Variants in PAX5 observed in about 807,000 individuals in gnomAD.
The protein encoded by PAX5 is paired box 5.
Under a neutral mutation model 43.7 loss-of-function variants are expected in PAX5, and 9 were observed. The observed-to-expected ratio is 0.21, with a 90% CI of 0.12 to 0.36. The LOEUF (loss-of-function observed/expected upper bound fraction) is 0.36, where lower values mean the gene tolerates loss of function less well. Ranked by LOEUF, PAX5 falls within the 10% of genes least tolerant of loss-of-function variation. PAX5 has a pLI of 1.00. For synonymous variants in PAX5, 228 were observed against 214.3 expected, an observed-to-expected ratio of 1.06 and a Z score of -0.56; for missense variants, 383 against 532.7, an observed-to-expected ratio of 0.72 and a Z score of 2.77.
intron 6 of PAX5, among the ~76,000 whole-genome samples, chr9:36,946,079 AGTGCTCCGTC>A (rs1832480447): frequency 2.0e-5 from 3 of 150,680 alleles, no homozygotes; most frequent in Admixed American, 6.6e-5. Context: ...CTCCCTGAGG[AGTGCTCCGTC>A]AGGATGCAGT....
intron 7 of PAX5, among the ~76,000 whole-genome samples, chr9:36,897,134 G>A (rs1344750350): frequency 6.6e-6 from 1 of 152,190 alleles, no homozygotes; most frequent in East Asian, 1.9e-4. Context: ...TGTGAGCCTG[G>A]AATGGCAGAT....
In PAX5 at chr9:36,851,641, A is replaced by G. The variant is rs538296789; in HGVS notation, c.1013-4712T>C. Among the ~76,000 whole-genome samples the G allele has an allele frequency of 2.6e-5, 4 of 152,340 alleles. No individual in the cohort carries two copies. The South Asian group carries it at 6.2e-4, about 24-fold the overall frequency. On this transcript the variant is annotated intron_variant, in intron 8 of 9. Transcript: ENST00000358127. ...TTTGAATCAATTTTACCTTGATTTC[A>G]AAGTGCCAGGTGATGCTGGCCAGCT...
At chr9:36,971,485 G>C (rs562640274) in intron 5 of PAX5, among the ~76,000 whole-genome samples, 1 of 152,312 alleles carries the variant, frequency 6.6e-6, no homozygotes, top group South Asian at 2.1e-4. Flanking sequence ...TGTGGTCTTG[G>C]AGGCAGGCTA....
chr9:36,864,614 A>G (rs989646396), intron 8 of PAX5, among the ~76,000 whole-genome samples: 2 of 152,174 alleles, frequency 1.3e-5, no homozygotes, highest in African/African-American at 4.8e-5. Flanking sequence ...CAGGCCAGCT[A>G]AGGCTGGTGG....
At chr9:36,943,707 G>A (rs1832258832) in intron 6 of PAX5, among the ~76,000 whole-genome samples, 1 of 152,026 alleles carries the variant, frequency 6.6e-6, no homozygotes, top group Non-Finnish European at 1.5e-5. Context: ...GAGAAGAATA[G>A]GCGTAGGTTC....
At chr9:36,906,003 G>A (rs2131879420) in intron 7 of PAX5, among the ~76,000 whole-genome samples, 1 of 152,312 alleles carries the variant, frequency 6.6e-6, no homozygotes, top group East Asian at 1.9e-4. Flanking sequence ...TGCTCACAGA[G>A]AGAGTGGAGA....
intron 8 of PAX5, among the ~76,000 whole-genome samples, chr9:36,874,486 C>G (rs879583772): frequency 6.6e-6 from 1 of 152,158 alleles, no homozygotes; most frequent in Admixed American, 6.5e-5. Context: ...GGGCTGGACT[C>G]CCACCCCTGG....
rs116379364 is a variant in PAX5 at position 36,966,156 on chromosome 9, C to T, written c.780+393G>A. Among the ~76,000 whole-genome samples, 1,165 of 152,318 alleles carry T rather than the reference C, an allele frequency of 7.6e-3. 12 individuals are homozygous for T. The highest frequency in any genetic ancestry group is 0.027 in the African/African-American group (1,140 of 41,564). ...CATTCCATTGTTCACGGCCGGTGAG[C>T]CCCCAGGCCGCGTGCTGGTTACATA... On this transcript the variant is annotated intron_variant, in intron 6 of 9. Coordinates refer to ENST00000358127, the MANE Select transcript of PAX5 (RefSeq NM_016734.3).
In PAX5 at chr9:36,864,831, C is replaced by T. The variant is rs372646805; in HGVS notation, c.1012+17173G>A. Among the ~76,000 whole-genome samples, 16 of 152,274 alleles carry T rather than the reference C, an allele frequency of 1.1e-4. No homozygotes were observed. The South Asian group carries it at 2.5e-3, about 24-fold the overall frequency. ...GGCTGGAGTGAGGAGGGTGGGCCGGCGCCGGAGCCGGGCTGTCAGGGCCTT... is the reference window on the plus strand; with the variant it reads ...GGCTGGAGTGAGGAGGGTGGGCCGGTGCCGGAGCCGGGCTGTCAGGGCCTT... On this transcript the variant is annotated intron_variant, in intron 8 of 9. Coordinates refer to ENST00000358127, the MANE Select transcript of PAX5 (RefSeq NM_016734.3).
Position 36,950,367 on chromosome 9 carries a change from A to G in PAX5, c.780+16182T>C, listed in dbSNP as rs189517128. On this transcript the variant is annotated intron_variant, in intron 6 of 9. Transcript: ENST00000358127. ...GAATCAACAAATTCATCTTTTCTCC[A>G]AAATAGAAGAGAGGAAATGCAACCA... Among the ~76,000 whole-genome samples, 5 of 152,362 alleles carry G rather than the reference A, an allele frequency of 3.3e-5. No homozygotes were observed. The East Asian group carries it at 9.6e-4, about 29-fold the overall frequency.
In PAX5 at chr9:36,838,012, G is replaced by A; in HGVS notation, c.*2548C>T. 4.3e-6 allele frequency: 1 copy of A among 233,310 alleles called. No individual in the cohort carries two copies. Among genetic ancestry groups the A allele is most frequent in the Non-Finnish European group, 8.5e-6 (1 of 118,076 alleles). 14.5% of individuals were successfully genotyped at this position (233,310 alleles called of 1,614,324 possible). A position where few individuals can be genotyped will look rare whatever the true frequency, so the allele number is the denominator to read the frequency against. On this transcript the variant is annotated 3_prime_UTR_variant, in exon 10 of 10. Coordinates refer to ENST00000358127, the MANE Select transcript of PAX5 (RefSeq NM_016734.3). ...GGCAGAGGCTCAAGAAGTCTGTGCT[G>A]AAGACCCCTGACCCCACCACTTCCT... is the stretch of plus-strand genomic sequence containing the variant.
chr9:36,957,383 G>A (rs1228342328), intron 6 of PAX5, among the ~76,000 whole-genome samples: 1 of 152,186 alleles, frequency 6.6e-6, no homozygotes, highest in Non-Finnish European at 1.5e-5. Context: ...GGTTTTCAGA[G>A]CCCCTAGAAA....
chr9:36,849,283 A>T (rs1033971012), intron 8 of PAX5, among the ~76,000 whole-genome samples: 3 of 152,150 alleles, frequency 2.0e-5, no homozygotes, highest in African/African-American at 7.2e-5. Context: ...TTCCCTGATC[A>T]CTGTGTTTAA....
rs1174512234 is a variant in PAX5 at position 36,834,172 on chromosome 9, CCAG to C, written c.*6385_*6387del. Reference sequence around the variant, plus strand: ...CCATCCTCAGCCCAACCTTGGAGGCCCAGCAGCTGGGGCTGAGAAGTGGGGCCC... The same window carrying C: ...CCATCCTCAGCCCAACCTTGGAGGCCCAGCTGGGGCTGAGAAGTGGGGCCC... On this transcript the variant is annotated 3_prime_UTR_variant, in exon 10 of 10. Transcript: ENST00000358127. The C allele has an allele frequency of 4.3e-6, 1 of 233,162 alleles. No individual in the cohort carries two copies. Among genetic ancestry groups the C allele is most frequent in the Admixed American group, 5.6e-5 (1 of 17,776 alleles). The allele number at this position is 233,162 out of a possible 1,614,324, so 14.4% of individuals were successfully genotyped here. A position where few individuals can be genotyped will look rare whatever the true frequency, so the allele number is the denominator to read the frequency against.
intron 9 of PAX5, 25 bp from the exon 10 acceptor site, chr9:36,840,661 G>A (rs754275103): frequency 6.7e-6 from 10 of 1,487,450 alleles, no homozygotes; most frequent in South Asian, 1.2e-5. Context: ...AGAGAGCACC[G>A]AGGTCAGATC....
At chr9:37,000,103 T>C (rs1180486530) in intron 5 of PAX5, among the ~76,000 whole-genome samples, 2 of 152,050 alleles carry the variant, frequency 1.3e-5, no homozygotes, top group East Asian at 3.9e-4. Context: ...GAAGTGACAG[T>C]CTCTGCCTCT....
chr9:36,974,345 C>A (rs1835241625), intron 5 of PAX5, among the ~76,000 whole-genome samples: 1 of 152,186 alleles, frequency 6.6e-6, no homozygotes, highest in African/African-American at 2.4e-5. Context: ...GCTCCCCACA[C>A]CCCCTGTTCT....
At position 36,836,952 on chromosome 9, in the gene PAX5, T is replaced by C. The variant is rs1331963803; in HGVS notation, c.*3608A>G. On this transcript the variant is annotated 3_prime_UTR_variant, in exon 10 of 10. Coordinates refer to ENST00000358127, the MANE Select transcript of PAX5 (RefSeq NM_016734.3). ...AGTCTGGATGAAACCTCAGAAGCAC[T>C]GTTGTGGATTTGGTCAAAGACTCCG... is the stretch of plus-strand genomic sequence containing the variant. 4.3e-6 allele frequency: 1 copy of C among 232,496 alleles called. No homozygotes were observed. Among genetic ancestry groups the C allele is most frequent in the Non-Finnish European group, 8.5e-6 (1 of 117,630 alleles). 14.4% of individuals were successfully genotyped at this position (232,496 alleles called of 1,614,324 possible).
chr9:36,891,527 G>A (rs1205094594), intron 7 of PAX5, among the ~76,000 whole-genome samples: 1 of 152,238 alleles, frequency 6.6e-6, no homozygotes, highest in Admixed American at 6.5e-5. Flanking sequence ...CTAGTGGAGG[G>A]TATGCTGCTG....
Sources: allele counts gnomAD v4.1 joint callset (sites outside exome capture counted in the v4.1 genomes callset), GRCh38; gene constraint gnomAD v4.1.1; transcripts MANE v1.5; gene names NCBI Gene and HGNC (gene_info 2026-07-23, HGNC 2026-07-21).